GALNT13: variants seen among roughly 807,000 people sequenced by gnomAD.
GALNT13 encodes UDP-GalNAc:polypeptide N-acetylgalactosaminyltransferase 13.
Under a neutral mutation model 64.2 loss-of-function variants are expected in GALNT13, and 28 were observed. That is an observed-to-expected ratio of 0.44 (90% CI 0.32 to 0.60). GALNT13 has a LOEUF of 0.60. GALNT13 is among the 20% of genes least tolerant of loss of function. GALNT13 has a pLI of 0.05. For missense variants in GALNT13, 577 were observed against 669.8 expected, an observed-to-expected ratio of 0.86 and a Z score of 1.53; for synonymous variants, 214 against 224.6, an observed-to-expected ratio of 0.95 and a Z score of 0.42.
At chr2:153,907,688 GATGATGGCCTCCAGCTCCATCC>G (rs1688671543) in intron 2 of GALNT13, among the ~76,000 whole-genome samples, 1 of 151,984 alleles carries the variant, frequency 6.6e-6, no homozygotes, top group South Asian at 2.1e-4. Context: ...GTTTGCTAAG[GATGATGGCCTCCAGCTCCATCC>G]ATGTTACTGC....
the GALNT13 span, among the ~76,000 whole-genome samples, chr2:153,574,614 CT>C: frequency 6.6e-6 from 1 of 152,038 alleles, no homozygotes; most frequent in Non-Finnish European, 1.5e-5. Context: ...TTTCTTCTGC[CT>C]TATTGATGTT....
At chr2:153,768,821 G>A in the GALNT13 span, among the ~76,000 whole-genome samples, 48 of 152,218 alleles carry the variant, frequency 3.2e-4, no homozygotes, top group African/African-American at 1.0e-3. Flanking sequence ...AGCCAAGATC[G>A]CACCACTGCA....
At chr2:154,118,282 C>CTT (rs557217006) in intron 3 of GALNT13, among the ~76,000 whole-genome samples, 26,068 of 130,394 alleles carry the variant, frequency 0.2, 2,991 homozygotes, top group Non-Finnish European at 0.28. Flanking sequence ...CCCTCTTTGT[C>CTT]TTTTTTTTTT....
intron 12 of GALNT13, chr2:154,446,473 T>A: frequency 3.1e-6 from 4 of 1,285,146 alleles, no homozygotes; most frequent in Non-Finnish European, 4.1e-6. Context: ...CTTCCATCTT[T>A]ATCCAGTAGA....
At chr2:153,478,133 A>T in the GALNT13 span, 1 of 855,168 alleles carries the variant, frequency 1.2e-6, no homozygotes, top group Non-Finnish European at 1.8e-6. Flanking sequence ...GAAATAATTG[A>T]CTCCGACAGG....
chr2:154,005,794 A>G (rs979019862), intron 3 of GALNT13, among the ~76,000 whole-genome samples: 27 of 152,178 alleles, frequency 1.8e-4, no homozygotes. Flanking sequence ...TTTTGTGTGC[A>G]TAAGAATCAC....
chr2:153,082,927 C>A, the GALNT13 span, among the ~76,000 whole-genome samples: 2 of 151,604 alleles, frequency 1.3e-5, no homozygotes, highest in African/African-American at 4.8e-5. Flanking sequence ...CTCGCAGGTT[C>A]AAGCGATTCT....
intron 4 of GALNT13, among the ~76,000 whole-genome samples, chr2:154,155,564 G>A (rs1240505754): frequency 6.6e-6 from 1 of 151,990 alleles, no homozygotes; most frequent in Non-Finnish European, 1.5e-5. Flanking sequence ...GTATTTTGCT[G>A]AGGGAAAATG....
the GALNT13 span, among the ~76,000 whole-genome samples, chr2:153,350,014 C>G: frequency 1.3e-5 from 2 of 152,178 alleles, no homozygotes; most frequent in Admixed American, 1.3e-4. Context: ...CCTTTCTGTA[C>G]TGTTGAACTG....
At chr2:154,407,713 C>T (rs914570298) in intron 10 of GALNT13, among the ~76,000 whole-genome samples, 2 of 151,940 alleles carry the variant, frequency 1.3e-5, no homozygotes, top group African/African-American at 4.8e-5. Flanking sequence ...ACATATAACT[C>T]TGCTCTAAAT....
chr2:153,564,699 G>T, the GALNT13 span, among the ~76,000 whole-genome samples: 3 of 151,810 alleles, frequency 2.0e-5, no homozygotes, highest in Non-Finnish European at 4.4e-5. Context: ...AATTTAAAGT[G>T]GTCTTTGGAA....
the GALNT13 span, among the ~76,000 whole-genome samples, chr2:153,164,543 A>G: frequency 6.6e-6 from 1 of 152,196 alleles, no homozygotes; most frequent in Admixed American, 6.5e-5. Context: ...TTTAATGTAT[A>G]TATTTTGATG....
At chr2:153,130,595 C>T in the GALNT13 span, among the ~76,000 whole-genome samples, 2 of 152,114 alleles carry the variant, frequency 1.3e-5, 1 homozygote, top group Non-Finnish European at 2.9e-5. Flanking sequence ...CCCAGACACA[C>T]AGGCCACCTG....
chr2:153,800,262 GTAT>G, the GALNT13 span, among the ~76,000 whole-genome samples: 52 of 152,172 alleles, frequency 3.4e-4, 1 homozygote, highest in South Asian at 0.01. Flanking sequence ...TATGTGTGCA[GTAT>G]TATTATGTCT....
the GALNT13 span, among the ~76,000 whole-genome samples, chr2:153,237,318 G>A: frequency 6.6e-6 from 1 of 151,854 alleles, no homozygotes; most frequent in Non-Finnish European, 1.5e-5. Context: ...ATCACCTCAA[G>A]CATTTATTCT....
chr2:153,529,672 C>T, the GALNT13 span, among the ~76,000 whole-genome samples: 1 of 151,638 alleles, frequency 6.6e-6, no homozygotes, highest in Non-Finnish European at 1.5e-5. Context: ...TACTAGCAAA[C>T]CAAATTCAAC....
chr2:154,162,504 G>A (rs1684791194), intron 4 of GALNT13, among the ~76,000 whole-genome samples: 1 of 152,182 alleles, frequency 6.6e-6, no homozygotes, highest in Non-Finnish European at 1.5e-5. Context: ...TTCAGTCATA[G>A]CCTGAGTATG....
chr2:154,255,321 G>C (rs1230838013), intron 7 of GALNT13, among the ~76,000 whole-genome samples: 1 of 152,142 alleles, frequency 6.6e-6, no homozygotes, highest in Admixed American at 6.5e-5. Flanking sequence ...AGTTGCTAAG[G>C]GGGTATGTAG....
chr2:153,581,030 G>T, the GALNT13 span, among the ~76,000 whole-genome samples: 1 of 152,054 alleles, frequency 6.6e-6, no homozygotes, highest in Admixed American at 6.6e-5. Context: ...ACTTATACAT[G>T]TTCTATTATA....
Sources: gnomAD v4.1 joint callset for allele counts (sites outside exome capture counted in the v4.1 genomes callset) on GRCh38, gnomAD v4.1.1 for gene constraint, MANE v1.5 for transcripts, NCBI Gene and HGNC (gene_info 2026-07-23, HGNC 2026-07-21) for gene names.